The following RFWD3 variants were observed in gnomAD, a reference collection of about 807,000 sequenced individuals.
RFWD3 encodes E3 ubiquitin-protein ligase RFWD3.
Under a neutral mutation model 87.7 loss-of-function variants are expected in RFWD3, and 65 were observed. The observed-to-expected ratio is 0.74, with a 90% CI of 0.61 to 0.91. The LOEUF (loss-of-function observed/expected upper bound fraction) is 0.91. Ranked by LOEUF, RFWD3 falls within the 40% of genes least tolerant of loss-of-function variation. The pLI, the probability that RFWD3 is intolerant of heterozygous loss-of-function variation, is 0.00. For synonymous variants in RFWD3, 433 were observed against 352.8 expected (o/e 1.23, Z -2.55); for missense variants, 1,078 against 938.5 (o/e 1.15, Z -1.94).
chr16:74,657,463 C>A (rs1256089969), intron 2 of RFWD3, among the ~76,000 whole-genome samples: 1 of 147,004 alleles, frequency 6.8e-6, no homozygotes, highest in Non-Finnish European at 1.5e-5. Flanking sequence ...CTGACATCAC[C>A]CAGGTTTTCT....
intron 6 of RFWD3, among the ~76,000 whole-genome samples, chr16:74,640,637 T>A (rs1485686680): frequency 6.6e-6 from 1 of 151,776 alleles, no homozygotes; most frequent in Non-Finnish European, 1.5e-5. Context: ...AGCAAGACCC[T>A]GTCTTTAAAA....
chr16:74,666,515 C>T (rs1169667789), intron 1 of RFWD3: 2 of 152,174 alleles, frequency 1.3e-5, no homozygotes, highest in Non-Finnish European at 2.9e-5. Flanking sequence ...CCCGCAGCAG[C>T]GAACTCGGCT....
Position 74,659,060 on chromosome 16 carries a change from A to T in RFWD3, c.518+1872T>A, listed in dbSNP as rs554195848. On this transcript the variant is annotated intron_variant, in intron 2 of 12. Transcript: ENST00000361070. ...CAGGCGTGAGCCACTATGCCCAGCC[A>T]CATCAAGCAATTTTCTCACTAGAGT... Among the ~76,000 whole-genome samples, 9 of 152,284 alleles carry T rather than the reference A, an allele frequency of 5.9e-5. No homozygotes were observed. In the South Asian group the frequency reaches 1.9e-3, roughly 32 times the overall value.
intron 2 of RFWD3, among the ~76,000 whole-genome samples, chr16:74,656,916 AG>A (rs1961029349): frequency 6.6e-6 from 1 of 152,242 alleles, no homozygotes; most frequent in South Asian, 2.1e-4. Context: ...CAGATGTGCT[AG>A]AAACAGCAAG....
rs1372173456 is a variant in RFWD3 at position 74,644,408 on chromosome 16, G to A, written c.1033C>T (p.Arg345Ter). Residue 345 changes from arginine (R) to a stop codon, truncating the protein, a stop_gained, in exon 6 of 13, where the codon CGA becomes TGA. Coordinates refer to ENST00000361070, the MANE Select transcript of RFWD3 (RefSeq NM_018124.4). LOFTEE classifies it high-confidence loss of function. ...RHSDIVVLYA[R>*]TLRALDTSEQ... is the part of the protein sequence containing the mutation. ...CTAGTGTCCAAAGCTCTCAGGGTTCGGGCATAAAGGACGACAATGTCACTG... is the reference window on the plus strand; with the variant it reads ...CTAGTGTCCAAAGCTCTCAGGGTTCAGGCATAAAGGACGACAATGTCACTG... The A allele has an allele frequency of 1.6e-5, 26 of 1,613,972 alleles. No homozygotes were observed. The highest frequency in any genetic ancestry group is 1.9e-5 in the Non-Finnish European group (23 of 1,180,022).
chr16:74,651,549 G>C (rs890624445), intron 3 of RFWD3, among the ~76,000 whole-genome samples: 1 of 152,202 alleles, frequency 6.6e-6, no homozygotes, highest in Non-Finnish European at 1.5e-5. Context: ...AGCCCAAGAA[G>C]CGGAAGTTGC....
At chr16:74,643,463 A>G (rs1458405863) in intron 6 of RFWD3, among the ~76,000 whole-genome samples, 1 of 152,176 alleles carries the variant, frequency 6.6e-6, no homozygotes, top group African/African-American at 2.4e-5. Flanking sequence ...ATCTTGGTAC[A>G]CAGCCTTCAA....
chr16:74,659,852 G>A (rs1196247516), intron 2 of RFWD3, among the ~76,000 whole-genome samples: 1 of 152,152 alleles, frequency 6.6e-6, no homozygotes, highest in Non-Finnish European at 1.5e-5. Context: ...GGTAATAGAT[G>A]ACCTAGCTAC....
chr16:74,651,904 T>A lies in RFWD3; in HGVS notation c.721+16A>T. The stretch of plus-strand genomic sequence containing the variant: ...GATGTTAGCCTTGTGAGTCCAAACC[T>A]GGGTAAAATACTGACCTTCTAAAAT... On this transcript the variant is annotated intron_variant, in intron 3 of 12. Coordinates refer to ENST00000361070, the MANE Select transcript of RFWD3 (RefSeq NM_018124.4). 1 of 1,612,680 alleles carries A rather than the reference T, an allele frequency of 6.2e-7. No homozygotes were observed. Among genetic ancestry groups the A allele is most frequent in the Admixed American group, 1.7e-5 (1 of 59,924 alleles).
intron 2 of RFWD3, among the ~76,000 whole-genome samples, chr16:74,656,443 C>A (rs1347138510): frequency 1.3e-5 from 2 of 150,884 alleles, no homozygotes; most frequent in East Asian, 3.9e-4. Context: ...TCTAATGGAT[C>A]TGGACAAAGT....
intron 2 of RFWD3, among the ~76,000 whole-genome samples, chr16:74,659,228 G>C (rs1961239899): frequency 6.6e-6 from 1 of 152,140 alleles, no homozygotes; most frequent in Non-Finnish European, 1.5e-5. Flanking sequence ...ACAAGAATGA[G>C]TGCATGGATA....
Position 74,632,690 on chromosome 16 carries a change from A to T in RFWD3, c.1427-17T>A. 1 of 1,613,010 alleles carries T rather than the reference A, an allele frequency of 6.2e-7. No individual in the cohort carries two copies. ...CACCAAAGCCTGAAAAAGGCAAAAT[A>T]GTATGAAATAGATCACTGAAAGTGA... On this transcript the variant is annotated splice_polypyrimidine_tract_variant and intron_variant, in intron 8 of 12. Coordinates refer to ENST00000361070, the MANE Select transcript of RFWD3 (RefSeq NM_018124.4).
intron 12 of RFWD3, 66 bp from the exon 13 acceptor site, chr16:74,624,137 A>C: frequency 6.5e-7 from 1 of 1,541,398 alleles, no homozygotes; most frequent in South Asian, 1.2e-5. Flanking sequence ...TCCATTCTTC[A>C]TCATCTAACA....
intron 12 of RFWD3, among the ~76,000 whole-genome samples, chr16:74,624,553 G>T (rs1240812358): frequency 6.6e-6 from 1 of 152,134 alleles, no homozygotes; most frequent in African/African-American, 2.4e-5. Context: ...CCACCACCAC[G>T]CCCGGCTAAT....
At chr16:74,634,959 T>C (rs968325781) in intron 8 of RFWD3, among the ~76,000 whole-genome samples, 3 of 151,848 alleles carry the variant, frequency 2.0e-5, no homozygotes, top group African/African-American at 7.3e-5. Context: ...CTGACCAAAA[T>C]GTTAAAACCC....
intron 1 of RFWD3, among the ~76,000 whole-genome samples, chr16:74,664,036 A>G (rs1376817474): frequency 6.6e-6 from 1 of 152,250 alleles, no homozygotes; most frequent in Non-Finnish European, 1.5e-5. Context: ...ACACAGGCTT[A>G]CACTCAGGAT....
At chr16:74,641,964 C>T (rs896911852) in intron 6 of RFWD3, among the ~76,000 whole-genome samples, 1 of 132,494 alleles carries the variant, frequency 7.5e-6, no homozygotes, top group African/African-American at 2.7e-5. Context: ...ACCAAAGAAA[C>T]CAAAAACCAA....
At position 74,635,108 on chromosome 16, in the gene RFWD3, G is replaced by A. The variant is rs183881327; in HGVS notation, c.1426+1238C>T. ...ATCCTGGCTAACACGGTGAAACTCC[G>A]TCTCTTCTAAAAATACAAAAAATTA... is the stretch of plus-strand genomic sequence containing the variant. On this transcript the variant is annotated intron_variant, in intron 8 of 12. Coordinates refer to ENST00000361070, the MANE Select transcript of RFWD3 (RefSeq NM_018124.4). Among the ~76,000 whole-genome samples the A allele has an allele frequency of 3.5e-3, 537 of 152,000 alleles. 5 individuals are homozygous for A. The highest frequency in any genetic ancestry group is 8.2e-3 in the Admixed American group (125 of 15,226).
At chr16:74,657,799 G>A (rs957068711) in intron 2 of RFWD3, among the ~76,000 whole-genome samples, 9 of 152,056 alleles carry the variant, frequency 5.9e-5, no homozygotes, top group African/African-American at 2.2e-4. Context: ...ACAGTGCTAA[G>A]CAAGTTTACC....
Sources: allele counts gnomAD v4.1 joint callset (sites outside exome capture counted in the v4.1 genomes callset), GRCh38; gene constraint gnomAD v4.1.1; transcripts MANE v1.5; gene names NCBI Gene and HGNC (gene_info 2026-07-23, HGNC 2026-07-21).